PCID2: variants seen among roughly 807,000 people sequenced by gnomAD.
PCID2 encodes PCI domain containing 2.
PCID2 carries 41 observed loss-of-function variants against 61.3 expected under a neutral mutation model. That is an observed-to-expected ratio of 0.67 (90% CI 0.52 to 0.87). The LOEUF (loss-of-function observed/expected upper bound fraction) is 0.87, where lower values mean the gene tolerates loss of function less well. PCID2 is among the 40% of genes least tolerant of loss of function. The pLI is 0.00. For missense variants in PCID2, 392 were observed against 493.4 expected, an observed-to-expected ratio of 0.79 and a Z score of 1.95; for synonymous variants, 187 against 177.8, an observed-to-expected ratio of 1.05 and a Z score of -0.41.
chr13:113,172,092 A>C, the PCID2 span: 1 of 1,612,796 alleles, frequency 6.2e-7, no homozygotes, highest in Non-Finnish European at 8.5e-7. Flanking sequence ...TGGTTTAAAC[A>C]GATCATGAAC....
intron 6 of PCID2, 96 bp downstream of exon 6, chr13:113,194,975 C>T: frequency 1.2e-6 from 1 of 862,112 alleles, no homozygotes; most frequent in Non-Finnish European, 2.0e-6. Context: ...CTCCAATTTG[C>T]TCCTCAAAAC....
intron 3 of PCID2, 107 bp from the exon 4 acceptor site, chr13:113,197,350 A>C: frequency 1.3e-6 from 1 of 762,218 alleles, no homozygotes; most frequent in Middle Eastern, 3.5e-4. Context: ...CTGGGATGAA[A>C]GGAGTGAAGG....
intron 13 of PCID2, 44 bp from the exon 14 acceptor site, chr13:113,178,331 G>A (rs2037296649): frequency 7.0e-7 from 1 of 1,436,994 alleles, no homozygotes; most frequent in African/African-American, 1.4e-5. Flanking sequence ...TTTTGGATCT[G>A]AGTCATGTCA....
At chr13:113,189,022 G>A (rs1168149860) in intron 7 of PCID2, among the ~76,000 whole-genome samples, 1 of 152,108 alleles carries the variant, frequency 6.6e-6, no homozygotes, top group Non-Finnish European at 1.5e-5. Context: ...CCTAATGGGA[G>A]GTTTTTGGGT....
the PCID2 span, chr13:113,165,234 G>C: frequency 4.5e-6 from 5 of 1,104,962 alleles, no homozygotes; most frequent in Non-Finnish European, 6.7e-6. Flanking sequence ...GACTTTGATG[G>C]GCTACTGACT....
intron 4 of PCID2, among the ~76,000 whole-genome samples, 181 bp from the exon 5 acceptor site, chr13:113,196,403 A>G (rs1213940480): frequency 6.6e-6 from 1 of 152,266 alleles, no homozygotes; most frequent in African/African-American, 2.4e-5. Flanking sequence ...TCTGTATCTC[A>G]TTAGGCTCAA....
chr13:113,172,186 A>G, the PCID2 span: 2 of 1,552,564 alleles, frequency 1.3e-6, no homozygotes, highest in African/African-American at 1.4e-5. Flanking sequence ...AGGGCGCTGA[A>G]ACTTCATCAC....
chr13:113,202,262 A>C (rs1045947968), intron 1 of PCID2, among the ~76,000 whole-genome samples: 1 of 152,224 alleles, frequency 6.6e-6, no homozygotes, highest in Non-Finnish European at 1.5e-5. Context: ...CTACTACCCC[A>C]TTGTTCAACT....
chr13:113,182,206 C>A (rs1379286493), intron 9 of PCID2, among the ~76,000 whole-genome samples: 1 of 152,154 alleles, frequency 6.6e-6, no homozygotes, highest in African/African-American at 2.4e-5. Flanking sequence ...CCTAGGGAAC[C>A]CACACTGAGA....
intron 7 of PCID2, chr13:113,188,649 T>A (rs781289011): frequency 6.6e-6 from 1 of 152,230 alleles, no homozygotes; most frequent in Non-Finnish European, 1.5e-5. Context: ...ACCGTCCATT[T>A]CCAGAAAAGC....
chr13:113,190,230 T>TTAA (rs1414452932), intron 7 of PCID2, among the ~76,000 whole-genome samples: 1 of 129,514 alleles, frequency 7.7e-6, no homozygotes. Context: ...CAGAAGAAAT[T>TTAA]AAAAAAAAAA....
At chr13:113,199,423 G>GT (rs1026196518) in intron 2 of PCID2, among the ~76,000 whole-genome samples, 5 of 152,126 alleles carry the variant, frequency 3.3e-5, no homozygotes, top group African/African-American at 9.7e-5. Flanking sequence ...AGCACACTGC[G>GT]TTTTTTTGTT....
chr13:113,188,758 G>A (rs1287942465), intron 7 of PCID2: 2 of 152,190 alleles, frequency 1.3e-5, no homozygotes, highest in Non-Finnish European at 2.9e-5. Flanking sequence ...AAGTTGATTT[G>A]TGAGCCACAC....
rs2037259511 is a variant in PCID2, at chr13:113,177,986, A to T, written c.*212T>A. On this transcript the variant is annotated 3_prime_UTR_variant, in exon 14 of 14. Coordinates refer to ENST00000337344, the MANE Select transcript of PCID2 (RefSeq NM_001127202.4). Reference sequence around the variant, plus strand: ...CCAGAACCAGCCGAGTCTGTGAAAAAGGAATTCCAGGTTTTCATCAGGCTG... The same window carrying T: ...CCAGAACCAGCCGAGTCTGTGAAAATGGAATTCCAGGTTTTCATCAGGCTG... 1 of 420,048 alleles carries T rather than the reference A, an allele frequency of 2.4e-6. No individual in the cohort carries two copies. The highest frequency in any genetic ancestry group is 3.0e-5 in the South Asian group (1 of 33,610). The allele number at this position is 420,048 out of a possible 1,614,324, so 26.0% of individuals were successfully genotyped here. A position where few individuals can be genotyped will look rare whatever the true frequency, so the allele number is the denominator to read the frequency against.
chr13:113,187,640 C>T (rs987418111), intron 7 of PCID2: 1 of 151,990 alleles, frequency 6.6e-6, no homozygotes, highest in Non-Finnish European at 1.5e-5. Context: ...TGGTCACTTG[C>T]GTATTTTGTT....
the PCID2 span, among the ~76,000 whole-genome samples, chr13:113,169,823 G>A: frequency 3.9e-5 from 6 of 152,216 alleles, no homozygotes; most frequent in East Asian, 7.7e-4. Context: ...TAGTCTCCAT[G>A]TACACGTGAT....
At chr13:113,176,695 C>T (rs1223872211), downstream of PCID2, among the ~76,000 whole-genome samples, 5 of 152,020 alleles carry the variant, frequency 3.3e-5, no homozygotes, top group East Asian at 3.9e-4. Flanking sequence ...TCTCGGAGGT[C>T]GAGGCTGCAG....
chr13:113,207,533 G>A (rs1374227068), intron 1 of PCID2, among the ~76,000 whole-genome samples: 1 of 152,146 alleles, frequency 6.6e-6, no homozygotes, highest in Non-Finnish European at 1.5e-5. Context: ...GGCAAGTATA[G>A]AACTTGAGGT....
At position 113,200,565 on chromosome 13, in the gene PCID2, C is replaced by A. The variant is rs747128317; in HGVS notation, c.37-49G>T. 5.0e-6 allele frequency: 6 copies of A among 1,208,844 alleles called. No homozygotes were observed. The African/African-American group carries it at 6.0e-5, about 12-fold the overall frequency. 74.9% of individuals were successfully genotyped at this position (1,208,844 alleles called of 1,614,324 possible). On this transcript the variant is annotated intron_variant, in intron 1 of 13. Coordinates refer to ENST00000337344, the MANE Select transcript of PCID2 (RefSeq NM_001127202.4). Reference sequence around the variant, plus strand: ...TAAGTAGAAAATAAAATATTCTGTTCGAATAGAACCTACAACAATACACTG... The same window carrying A: ...TAAGTAGAAAATAAAATATTCTGTTAGAATAGAACCTACAACAATACACTG...
Sources: allele counts gnomAD v4.1 joint callset (sites outside exome capture counted in the v4.1 genomes callset), GRCh38; gene constraint gnomAD v4.1.1; transcripts MANE v1.5; gene names NCBI Gene and HGNC (gene_info 2026-07-23, HGNC 2026-07-21).